Variants in NBEA observed in about 807,000 individuals in gnomAD.
NBEA encodes neurobeachin, also known as lysosomal-trafficking regulator 2.
In NBEA, 44 loss-of-function variants were observed where a neutral mutation model predicts 343.4. The observed-to-expected ratio is 0.13, with a 90% CI of 0.10 to 0.16. The LOEUF (loss-of-function observed/expected upper bound fraction) is 0.16. Ranked by LOEUF, NBEA falls within the 10% of genes least tolerant of loss-of-function variation. The pLI, the probability that NBEA is intolerant of heterozygous loss-of-function variation, is 1.00. For missense variants in NBEA, 2,555 were observed against 3,631.3 expected (o/e 0.70, Z 7.62); for synonymous variants, 1,175 against 1,238.7 (o/e 0.95, Z 1.08).
intron 24 of NBEA, 98 bp from the exon 25 acceptor site, chr13:35,168,884 ATTATT>A: frequency 1.3e-6 from 1 of 759,434 alleles, no homozygotes; most frequent in Non-Finnish European, 1.9e-6. Flanking sequence ...TTTTAAATAT[ATTATT>A]TTGTGTTTCA....
At chr13:35,198,685 A>T (rs1317202120) in intron 31 of NBEA, among the ~76,000 whole-genome samples, 1 of 152,084 alleles carries the variant, frequency 6.6e-6, no homozygotes, top group South Asian at 2.1e-4. Context: ...TTTTAGGAAA[A>T]GAGTCTCTAG....
chr13:35,542,691 T>TA lies in NBEA; in HGVS notation c.6586-7785dup, dbSNP rs2078888387. Among the ~76,000 whole-genome samples, 8 of 152,242 alleles carry TA rather than the reference T, an allele frequency of 5.3e-5. No homozygotes were observed. In the South Asian group the frequency reaches 1.7e-3, roughly 32 times the overall value. On this transcript the variant is annotated intron_variant, in intron 41 of 58. Transcript: ENST00000379939. The stretch of plus-strand genomic sequence containing the variant: ...CATTGCACATGTTTAAATTAACAGT[T>TA]ACAATTTTCCATAATTTTAAATATT...
At position 35,474,845 on chromosome 13, in the gene NBEA, A is replaced by G. The variant is rs1594755788; in HGVS notation, c.6585+2309A>G. On this transcript the variant is annotated intron_variant, in intron 41 of 58. Transcript: ENST00000379939. ...ATCGTGTGGAAAGAAGTCTTCTAAT[A>G]CTAGTGGCTTTGGGTTTTTCTCCAT... 3.0e-5 allele frequency: 17 copies of G among 572,836 alleles called. No individual in the cohort carries two copies. The East Asian group carries it at 4.8e-4, about 16-fold the overall frequency. 35.5% of individuals were successfully genotyped at this position (572,836 alleles called of 1,614,324 possible).
chr13:35,290,214 A>C (rs993489703), intron 34 of NBEA, among the ~76,000 whole-genome samples, 175 bp from the exon 35 acceptor site: 5 of 151,830 alleles, frequency 3.3e-5, no homozygotes, highest in African/African-American at 1.2e-4. Flanking sequence ...GTATCTAAAT[A>C]GTTTTAAATT....
chr13:35,482,942 G>A (rs1359609226), intron 41 of NBEA, among the ~76,000 whole-genome samples: 1 of 151,552 alleles, frequency 6.6e-6, no homozygotes, highest in Non-Finnish European at 1.5e-5. Context: ...TAAATGTCTG[G>A]CTGTTTTAGT....
intron 32 of NBEA, among the ~76,000 whole-genome samples, chr13:35,210,345 G>A (rs903148900): frequency 4.0e-5 from 6 of 151,858 alleles, no homozygotes; most frequent in Admixed American, 3.9e-4. Context: ...TGGGCATACT[G>A]TTCATTTCAA....
chr13:35,112,111 G>T (rs1423193072), intron 13 of NBEA, among the ~76,000 whole-genome samples: 1 of 151,684 alleles, frequency 6.6e-6, no homozygotes, highest in Non-Finnish European at 1.5e-5. Flanking sequence ...TGGAGACAGG[G>T]TTTCACCGTG....
At chr13:35,602,064 A>C (rs560805369) in intron 47 of NBEA, among the ~76,000 whole-genome samples, 1 of 152,286 alleles carries the variant, frequency 6.6e-6, no homozygotes, top group South Asian at 2.1e-4. Context: ...TACCAAAATA[A>C]ATGTTACCTG....
intron 29 of NBEA, among the ~76,000 whole-genome samples, chr13:35,183,365 C>T (rs1163167387): frequency 6.6e-6 from 1 of 151,894 alleles, no homozygotes; most frequent in Non-Finnish European, 1.5e-5. Flanking sequence ...TAAATAAATG[C>T]ATATGATTTA....
chr13:35,134,531 T>C (rs945573504), intron 17 of NBEA, among the ~76,000 whole-genome samples: 4 of 151,886 alleles, frequency 2.6e-5, no homozygotes, highest in Non-Finnish European at 4.4e-5. Context: ...TGTGAAGATA[T>C]CCTTTAGAGA....
chr13:35,656,418 CT>C (rs1422480049), intron 55 of NBEA, among the ~76,000 whole-genome samples: 2 of 152,164 alleles, frequency 1.3e-5, no homozygotes, highest in Non-Finnish European at 2.9e-5. Flanking sequence ...CTCTGAAAGT[CT>C]TACACAAATA....
intron 48 of NBEA, among the ~76,000 whole-genome samples, chr13:35,614,605 C>T (rs1199756873): frequency 6.6e-6 from 1 of 152,206 alleles, no homozygotes; most frequent in Non-Finnish European, 1.5e-5. Flanking sequence ...ACTTTAGCCT[C>T]TACCTCAAGT....
intron 56 of NBEA, among the ~76,000 whole-genome samples, chr13:35,665,625 G>A (rs1028416816): frequency 1.3e-5 from 2 of 152,008 alleles, no homozygotes; most frequent in Non-Finnish European, 2.9e-5. Flanking sequence ...TGGTTCTTTG[G>A]AGGTTTTGTT....
chr13:34,944,544 G>A (rs915346909), intron 1 of NBEA, among the ~76,000 whole-genome samples: 2 of 152,150 alleles, frequency 1.3e-5, no homozygotes, highest in African/African-American at 2.4e-5. Context: ...AAAAGTCAGT[G>A]TAAGTTTGAG....
At chr13:35,563,747 C>CA (rs918215316) in intron 44 of NBEA, among the ~76,000 whole-genome samples, 10 of 149,452 alleles carry the variant, frequency 6.7e-5, no homozygotes, top group East Asian at 3.9e-4. Context: ...AAGTGAATTA[C>CA]AAAAAAAAAT....
At chr13:35,550,852 C>T in intron 42 of NBEA, 78 bp from the exon 43 acceptor site, 1 of 855,088 alleles carries the variant, frequency 1.2e-6, no homozygotes, top group Non-Finnish European at 1.9e-6. Context: ...ATGATAGGCA[C>T]TTGAAGATGA....
chr13:35,167,299 G>A (rs1255786473), intron 24 of NBEA, among the ~76,000 whole-genome samples: 2 of 151,848 alleles, frequency 1.3e-5, no homozygotes, highest in Non-Finnish European at 2.9e-5. Context: ...TCTCTTTTCT[G>A]CCCTGGAAAT....
At chr13:35,122,696 G>T (rs1238287823) in intron 16 of NBEA, among the ~76,000 whole-genome samples, 1 of 152,108 alleles carries the variant, frequency 6.6e-6, no homozygotes, top group East Asian at 1.9e-4. Context: ...TTGTACACAT[G>T]TACCCTAGAA....
intron 41 of NBEA, among the ~76,000 whole-genome samples, chr13:35,545,982 C>G (rs1355647288): frequency 6.6e-6 from 1 of 152,186 alleles, no homozygotes; most frequent in Admixed American, 6.5e-5. Flanking sequence ...AATGCACATA[C>G]TCTGTACAAT....
Sources: allele counts gnomAD v4.1 joint callset (sites outside exome capture counted in the v4.1 genomes callset), GRCh38; gene constraint gnomAD v4.1.1; transcripts MANE v1.5; gene names NCBI Gene and HGNC (gene_info 2026-07-23, HGNC 2026-07-21).